Variants in CADPS2 observed in about 807,000 individuals in gnomAD.
CADPS2 encodes the protein calcium-dependent secretion activator 2.
Under a neutral mutation model 172.5 loss-of-function variants are expected in CADPS2, and 93 were observed. The observed-to-expected ratio is 0.54, with a 90% CI of 0.46 to 0.64. The LOEUF (loss-of-function observed/expected upper bound fraction) is 0.64, where lower values mean the gene tolerates loss of function less well. Ranked by LOEUF, CADPS2 falls within the 30% of genes least tolerant of loss-of-function variation. The pLI is 0.00. For missense variants in CADPS2, 1,420 were observed against 1,565.9 expected (o/e 0.91, Z 1.57); for synonymous variants, 546 against 555.2 (o/e 0.98, Z 0.23).
At chr7:122,350,816 C>A (rs187099826) in intron 27 of CADPS2, among the ~76,000 whole-genome samples, 4 of 150,930 alleles carry the variant, frequency 2.7e-5, no homozygotes, top group Non-Finnish European at 5.9e-5. Context: ...CAAGACCCTG[C>A]CTGTATAAAA....
chr7:122,458,339 CCTT>C (rs1210148097), intron 14 of CADPS2, among the ~76,000 whole-genome samples: 1 of 151,994 alleles, frequency 6.6e-6, no homozygotes. Context: ...AACAATAATC[CCTT>C]CTTTTTTATT....
At chr7:122,476,189 T>A (rs916702459) in intron 12 of CADPS2, among the ~76,000 whole-genome samples, 23 of 152,094 alleles carry the variant, frequency 1.5e-4, no homozygotes, top group African/African-American at 2.2e-4. Context: ...TTAGTATCAT[T>A]TTTATGAAAC....
chr7:122,509,827 A>G (rs1241875628), intron 9 of CADPS2, among the ~76,000 whole-genome samples: 1 of 152,114 alleles, frequency 6.6e-6, no homozygotes, highest in Non-Finnish European at 1.5e-5. Flanking sequence ...GCTTATTCTG[A>G]TAAGATAAAG....
intron 3 of CADPS2, among the ~76,000 whole-genome samples, chr7:122,640,633 T>C (rs1279604188): frequency 6.6e-6 from 1 of 150,800 alleles, no homozygotes; most frequent in Admixed American, 6.6e-5. Context: ...AAAATAAAAA[T>C]AAAAAAAAAT....
chr7:122,738,562 C>T (rs944144906), intron 1 of CADPS2, among the ~76,000 whole-genome samples: 2 of 152,044 alleles, frequency 1.3e-5, no homozygotes, highest in Non-Finnish European at 2.9e-5. Context: ...CTGGAATCTA[C>T]AGAGGGATGT....
At chr7:122,672,749 T>A (rs949465897) in intron 2 of CADPS2, among the ~76,000 whole-genome samples, 1 of 152,218 alleles carries the variant, frequency 6.6e-6, no homozygotes, top group African/African-American at 2.4e-5. Flanking sequence ...GACCAGTGAC[T>A]TTCTTGTGAA....
At chr7:122,600,246 T>C (rs1225103092) in intron 6 of CADPS2, among the ~76,000 whole-genome samples, 1 of 151,970 alleles carries the variant, frequency 6.6e-6, no homozygotes. Flanking sequence ...AGCAGCTCCA[T>C]GGAGTCAAAG....
chr7:122,568,730 A>G (rs1488358935), intron 7 of CADPS2, among the ~76,000 whole-genome samples: 5 of 152,162 alleles, frequency 3.3e-5, no homozygotes, highest in Non-Finnish European at 7.3e-5. Context: ...CTAAAACTAT[A>G]CAGCTTCTAG....
At chr7:122,541,847 T>TCATATATATTTATATATATG (rs201564513) in intron 8 of CADPS2, among the ~76,000 whole-genome samples, 1 of 127,922 alleles carries the variant, frequency 7.8e-6, no homozygotes, top group African/African-American at 3.0e-5. Context: ...GTTTATATAT[T>TCATATATATTTATATATATG]CATATATATT....
At chr7:122,480,106 T>C (rs1262208916) in intron 12 of CADPS2, 9 of 471,610 alleles carry the variant, frequency 1.9e-5, no homozygotes, top group Non-Finnish European at 4.4e-6. Flanking sequence ...CGTTACATTT[T>C]AAGTGAAAAA....
At chr7:122,491,510 T>C in intron 9 of CADPS2, 90 bp from the exon 10 acceptor site, 1 of 608,912 alleles carries the variant, frequency 1.6e-6, no homozygotes, top group Non-Finnish European at 2.8e-6. Context: ...CTTTTCCCAA[T>C]TAAAAATATA....
At position 122,471,571 on chromosome 7, in the gene CADPS2, T is replaced by C. The variant is rs1193480038; in HGVS notation, c.1999-9A>G. On this transcript the variant is annotated splice_polypyrimidine_tract_variant and intron_variant, in intron 13 of 29. Transcript: ENST00000449022. ...CCAGGGCTAAACCATCCCTGCAAAA[T>C]AAAAAAAGAATAGATATACATGTTT... The C allele has an allele frequency of 6.5e-7, 1 of 1,549,694 alleles. No individual in the cohort carries two copies. The highest frequency in any genetic ancestry group is 1.4e-5 in the African/African-American group (1 of 72,074).
rs752775039 is a variant in CADPS2, at chr7:122,698,159, C to A, written c.454-34590G>T. On this transcript the variant is annotated intron_variant, in intron 2 of 29. Coordinates refer to ENST00000449022, the MANE Select transcript of CADPS2 (RefSeq NM_017954.11). Reference sequence around the variant, plus strand: ...CGTTCAAAGCAAATTACGCAGCTATCCCCATTTGGATTTATTTCTTCATCC... The same window carrying A: ...CGTTCAAAGCAAATTACGCAGCTATACCCATTTGGATTTATTTCTTCATCC... The A allele has an allele frequency of 8.7e-6, 14 of 1,613,922 alleles. No homozygotes were observed. In the South Asian group the frequency reaches 1.5e-4, roughly 18 times the overall value.
At chr7:122,476,538 A>G (rs766441033) in intron 12 of CADPS2, among the ~76,000 whole-genome samples, 2 of 152,162 alleles carry the variant, frequency 1.3e-5, no homozygotes, top group Non-Finnish European at 2.9e-5. Flanking sequence ...ATTCCAAACT[A>G]TATATCTGCT....
intron 6 of CADPS2, among the ~76,000 whole-genome samples, chr7:122,584,199 C>A (rs1368302507): frequency 6.6e-6 from 1 of 151,780 alleles, no homozygotes; most frequent in Non-Finnish European, 1.5e-5. Context: ...TTATCTGTTC[C>A]TATAACTCAC....
chr7:122,621,621 T>C lies in CADPS2; in HGVS notation c.964A>G (p.Ser322Gly), dbSNP rs2075615237. 1 of 1,613,796 alleles carries C rather than the reference T, an allele frequency of 6.2e-7. No homozygotes were observed. The highest frequency in any genetic ancestry group is 1.1e-5 in the South Asian group (1 of 91,080). ...SVNLLMANLE[S>G]LPVSKGGPEF... is the part of the protein sequence containing the mutation. ...GGACCACCTTTCGAAACTGGAAGAC[T>C]TTCCAAATTGGCCATTAGCAAATTC... Residue 322 changes from serine to glycine, a missense_variant, in exon 5 of 30, where the codon AGT becomes GGT. Transcript: ENST00000449022.
intron 20 of CADPS2, among the ~76,000 whole-genome samples, chr7:122,404,247 G>T (rs956836583): frequency 7.2e-5 from 11 of 151,894 alleles, no homozygotes; most frequent in African/African-American, 2.4e-4. Context: ...ACGGTGTTTG[G>T]TTTTTTTGTC....
At chr7:122,702,394 T>C (rs2086280785) in intron 2 of CADPS2, 2 of 1,613,832 alleles carry the variant, frequency 1.2e-6, no homozygotes, top group Non-Finnish European at 1.7e-6. Context: ...CCTTCTCTGC[T>C]GCCACGTTGA....
chr7:122,771,649 C>T (rs1371600904), intron 1 of CADPS2, among the ~76,000 whole-genome samples: 1 of 152,116 alleles, frequency 6.6e-6, no homozygotes, highest in Non-Finnish European at 1.5e-5. Context: ...TGTGAATAGC[C>T]ACAGTGTTGT....
Sources: gnomAD v4.1 joint callset for allele counts (sites outside exome capture counted in the v4.1 genomes callset) on GRCh38, gnomAD v4.1.1 for gene constraint, MANE v1.5 for transcripts, NCBI Gene and HGNC (gene_info 2026-07-23, HGNC 2026-07-21) for gene names.